Variants in NFU1 observed in about 807,000 individuals in gnomAD.
The protein encoded by NFU1 is NFU1 iron-sulfur cluster scaffold.
In NFU1, 30 loss-of-function variants were observed where a neutral mutation model predicts 32.2. That is an observed-to-expected ratio of 0.93 (90% CI 0.70 to 1.26). The LOEUF (loss-of-function observed/expected upper bound fraction) is 1.26. NFU1 is among the 50% of genes most tolerant of loss of function. The pLI is 0.00. For missense variants in NFU1, 306 were observed against 306.6 expected (o/e 1.00, Z 0.02); for synonymous variants, 112 against 104.6 (o/e 1.07, Z -0.43).
At position 69,423,644 on chromosome 2, in the gene NFU1, A is replaced by T. The variant is rs1673342171; in HGVS notation, c.240T>A (p.Val80=). The part of the protein sequence containing the change: ...NSLKFIPGKP[V]LETRTMDFPT... The stretch of plus-strand genomic sequence containing the variant: ...GAAAATCCATGGTCCTTGTCTCAAG[A>T]ACTGGTTTTCCTGGTATAAACTTTA... The change falls in exon 3 of 8, where the codon GTT becomes GTA. Residue 80 remains valine, a synonymous_variant. Coordinates refer to ENST00000410022, the MANE Select transcript of NFU1 (RefSeq NM_001002755.4). 1.2e-6 allele frequency: 2 copies of T among 1,613,288 alleles called. No individual in the cohort carries two copies. The highest frequency in any genetic ancestry group is 1.7e-6 in the Non-Finnish European group (2 of 1,179,422).
In NFU1 at chr2:69,437,399, G is replaced by T. The variant is rs771044488; in HGVS notation, c.24C>A (p.Gly8=). Residue 8 remains glycine, a synonymous_variant, in exon 1 of 8, where the codon GGC becomes GGA. Transcript: ENST00000410022. ...CGGCGGCAACAGCCGCAGCTCCCCAGCCCCGCCTGGCCGTCGCCGCCATCT... is the reference window on the plus strand; with the variant it reads ...CGGCGGCAACAGCCGCAGCTCCCCATCCCCGCCTGGCCGTCGCCGCCATCT... The part of the protein sequence containing the change: MAATARR[G]WGAAAVAAGL... 6.2e-7 allele frequency: 1 copy of T among 1,610,390 alleles called. No individual in the cohort carries two copies. Among genetic ancestry groups the T allele is most frequent in the South Asian group, 1.1e-5 (1 of 90,968 alleles).
At chr2:69,423,468 TAA>T in intron 3 of NFU1, 112 bp downstream of exon 3, 3 of 923,328 alleles carry the variant, frequency 3.2e-6, no homozygotes, top group Non-Finnish European at 4.9e-6. Flanking sequence ...TTTCTACACT[TAA>T]AAAAAAATGC....
chr2:69,409,289 G>T (rs2104757519), intron 5 of NFU1, among the ~76,000 whole-genome samples: 1 of 152,156 alleles, frequency 6.6e-6, no homozygotes, highest in Admixed American at 6.5e-5. Context: ...ACATACATTT[G>T]AATTTTCCTT....
rs2104792902 is a variant in NFU1, at chr2:69,423,577, T to C, written c.302+5A>G. The C allele has an allele frequency of 1.9e-6, 3 of 1,612,672 alleles. No individual in the cohort carries two copies. In the South Asian group the frequency reaches 3.3e-5, roughly 18 times the overall value. Reference sequence around the variant, plus strand: ...TGGTAAAAGCAAATGAAAACAGTAATATACCTAGCCAGAGGGGAGCGAAAT... The same window carrying C: ...TGGTAAAAGCAAATGAAAACAGTAACATACCTAGCCAGAGGGGAGCGAAAT... On this transcript the variant is annotated splice_donor_5th_base_variant and intron_variant, in intron 3 of 7. Coordinates refer to ENST00000410022, the MANE Select transcript of NFU1 (RefSeq NM_001002755.4).
At chr2:69,413,935 T>C (rs1672972220) in intron 5 of NFU1, among the ~76,000 whole-genome samples, 1 of 144,128 alleles carries the variant, frequency 6.9e-6, no homozygotes, top group South Asian at 2.2e-4. Flanking sequence ...TAATACCAGC[T>C]ACTTGGAAGG....
intron 5 of NFU1, among the ~76,000 whole-genome samples, chr2:69,412,451 A>T (rs1672914693): frequency 6.7e-6 from 1 of 149,242 alleles, no homozygotes; most frequent in Non-Finnish European, 1.5e-5. Context: ...CAGTGGCATG[A>T]TCTCAGCTCA....
chr2:69,424,323 C>G (rs1673384721), intron 2 of NFU1, among the ~76,000 whole-genome samples: 1 of 149,768 alleles, frequency 6.7e-6, no homozygotes, highest in African/African-American at 2.5e-5. Context: ...AGGTCTTGCT[C>G]TGTTGCCCAG....
chr2:69,423,844 T>A (rs947567289), intron 2 of NFU1, 127 bp from the exon 3 acceptor site: 3 of 721,222 alleles, frequency 4.2e-6, no homozygotes, highest in African/African-American at 3.6e-5. Context: ...AAGGCTTTAT[T>A]GCCCTGACAA....
intron 5 of NFU1, among the ~76,000 whole-genome samples, chr2:69,414,380 G>T (rs1299876994): frequency 6.6e-6 from 1 of 151,942 alleles, no homozygotes; most frequent in African/African-American, 2.4e-5. Context: ...CATTTTGAGA[G>T]GTTGAAGCCA....
chr2:69,399,321 T>C (rs1215936907), intron 7 of NFU1: 2 of 453,158 alleles, frequency 4.4e-6, no homozygotes, highest in Non-Finnish European at 8.9e-6. Flanking sequence ...GCCATGCTTT[T>C]TGGTTGAGAA....
intron 5 of NFU1, among the ~76,000 whole-genome samples, chr2:69,407,569 C>T (rs1264542816): frequency 1.3e-5 from 2 of 148,454 alleles, no homozygotes; most frequent in East Asian, 4.0e-4. Flanking sequence ...CCCAGCTACT[C>T]GGTAGGCTGA....
chr2:69,402,549 G>A (rs1295174104), intron 6 of NFU1, among the ~76,000 whole-genome samples: 2 of 152,060 alleles, frequency 1.3e-5, no homozygotes, highest in Non-Finnish European at 2.9e-5. Flanking sequence ...CAATTTATAT[G>A]TATTTTCCTT....
At chr2:69,420,039 T>C (rs1273101470) in intron 3 of NFU1, among the ~76,000 whole-genome samples, 1 of 151,600 alleles carries the variant, frequency 6.6e-6, no homozygotes, top group Non-Finnish European at 1.5e-5. Flanking sequence ...GGAGTCACCC[T>C]CTGTCCCCCA....
intron 4 of NFU1, among the ~76,000 whole-genome samples, chr2:69,419,067 C>G (rs1574135330): frequency 6.6e-6 from 1 of 152,012 alleles, no homozygotes; most frequent in South Asian, 2.1e-4. Context: ...GTAATCCCAG[C>G]AATTTGGAGG....
upstream of NFU1, among the ~76,000 whole-genome samples, chr2:69,439,548 G>A (rs1477796398): frequency 6.6e-6 from 1 of 152,214 alleles, no homozygotes; most frequent in Non-Finnish European, 1.5e-5. Context: ...TAACATGGAA[G>A]GGGACCCAAG....
rs57220284 is a variant in NFU1, at chr2:69,412,014, C to A, written c.484+3171G>T. ...CTGAGGCAGGAGGATCACTTGAAGA[C>A]CAGCCTGGGCAACCTAACAAGATCT... On this transcript the variant is annotated intron_variant, in intron 5 of 7. Transcript: ENST00000410022. Among the ~76,000 whole-genome samples the A allele has an allele frequency of 0.012, 1,790 of 152,228 alleles. 124 individuals carry two copies. In the East Asian group the frequency reaches 0.19, roughly 16 times the overall value.
chr2:69,437,628 C>T (rs751943973), upstream of NFU1: 3 of 668,748 alleles, frequency 4.5e-6, no homozygotes, highest in South Asian at 4.8e-5. Context: ...GAACCTTTCC[C>T]GTTTGCGCCA....
chr2:69,429,900 G>A (rs1378858583), intron 2 of NFU1: 8 of 207,264 alleles, frequency 3.9e-5, no homozygotes, highest in Non-Finnish European at 6.1e-5. Flanking sequence ...GTGTTGGTAC[G>A]CACCTGTAGT....
upstream of NFU1, among the ~76,000 whole-genome samples, chr2:69,437,779 C>G (rs182696999): frequency 6.6e-6 from 1 of 152,220 alleles, no homozygotes; most frequent in South Asian, 2.1e-4. Flanking sequence ...ATTCCCTCCT[C>G]TAGGACCCTA....
Sources: gnomAD v4.1 joint callset for allele counts (sites outside exome capture counted in the v4.1 genomes callset) on GRCh38, gnomAD v4.1.1 for gene constraint, MANE v1.5 for transcripts, NCBI Gene and HGNC (gene_info 2026-07-23, HGNC 2026-07-21) for gene names.